The following PDE1A variants were observed in gnomAD, a reference collection of about 807,000 sequenced individuals.
PDE1A encodes the protein phosphodiesterase 1A.
In PDE1A, 35 loss-of-function variants were observed where a neutral mutation model predicts 61.7. That is an observed-to-expected ratio of 0.57 (90% CI 0.43 to 0.75). PDE1A has a LOEUF of 0.75. Among genes scored for constraint, PDE1A ranks in the 30% least tolerant of loss-of-function variants. The pLI is 0.00. For missense variants in PDE1A, 597 were observed against 630.6 expected (o/e 0.95, Z 0.57); for synonymous variants, 232 against 213.2 (o/e 1.09, Z -0.77).
At chr2:182,351,376 A>T (rs1460019997) in intron 1 of PDE1A, among the ~76,000 whole-genome samples, 1 of 152,212 alleles carries the variant, frequency 6.6e-6, no homozygotes, top group Non-Finnish European at 1.5e-5. Context: ...TTTTATCCAA[A>T]TGTCTCAAAC....
intron 1 of PDE1A, among the ~76,000 whole-genome samples, chr2:182,340,020 A>G (rs1698082518): frequency 6.6e-6 from 1 of 152,200 alleles, no homozygotes; most frequent in Non-Finnish European, 1.5e-5. Context: ...TAGTTTGGGC[A>G]TAGATGGCTG....
At chr2:182,200,315 A>G (rs1224096780) in intron 10 of PDE1A, among the ~76,000 whole-genome samples, 4 of 152,134 alleles carry the variant, frequency 2.6e-5, no homozygotes. Flanking sequence ...GAAACCAACC[A>G]CATGATTAGA....
At chr2:182,170,183 G>A (rs551141241) in intron 13 of PDE1A, among the ~76,000 whole-genome samples, 29 of 151,924 alleles carry the variant, frequency 1.9e-4, no homozygotes, top group African/African-American at 5.3e-4. Flanking sequence ...GAAAAGCCCC[G>A]CCTTTTCAAA....
exon 15 of PDE1A, chr2:182,140,413 C>T (rs1441092659): frequency 6.6e-6 from 1 of 151,754 alleles, no homozygotes; most frequent in South Asian, 2.1e-4. Flanking sequence ...CTTTGGGTTT[C>T]CCCCAATTTC....
chr2:182,573,153 G>A, the PDE1A span, among the ~76,000 whole-genome samples: 10 of 152,044 alleles, frequency 6.6e-5, no homozygotes, highest in African/African-American at 2.2e-4. Context: ...ACCTGATACC[G>A]TTTACAATGT....
chr2:182,465,877 C>T (rs1425684217), intron 2 of PDE1A, among the ~76,000 whole-genome samples: 1 of 151,972 alleles, frequency 6.6e-6, no homozygotes, highest in African/African-American at 2.4e-5. Flanking sequence ...ATTAAATAAA[C>T]AGTTTACTTT....
At chr2:182,495,000 C>A (rs955234586) in intron 2 of PDE1A, among the ~76,000 whole-genome samples, 1 of 152,106 alleles carries the variant, frequency 6.6e-6, no homozygotes, top group African/African-American at 2.4e-5. Context: ...TTAAGGACTC[C>A]CTTTCTCATC....
intron 2 of PDE1A, among the ~76,000 whole-genome samples, chr2:182,502,066 C>G (rs1689112843): frequency 6.6e-6 from 1 of 152,158 alleles, no homozygotes; most frequent in Non-Finnish European, 1.5e-5. Context: ...ACCTCCTGTC[C>G]TCAGCCACAC....
intron 1 of PDE1A, among the ~76,000 whole-genome samples, chr2:182,305,323 C>T (rs569410206): frequency 1.3e-5 from 2 of 151,592 alleles, no homozygotes; most frequent in Non-Finnish European, 2.9e-5. Flanking sequence ...ATGAATAAGC[C>T]ATTTTTTTTT....
intron 1 of PDE1A, among the ~76,000 whole-genome samples, chr2:182,332,914 A>AG (rs1028718919): frequency 5.9e-5 from 9 of 152,194 alleles, no homozygotes; most frequent in Admixed American, 5.9e-4. Flanking sequence ...AGACAAAAAA[A>AG]AGCAGGGATT....
chr2:182,596,795 C>A, the PDE1A span, among the ~76,000 whole-genome samples: 5 of 151,928 alleles, frequency 3.3e-5, no homozygotes, highest in African/African-American at 9.7e-5. Context: ...TGTAGAGTAA[C>A]CAGAAAGCTG....
In PDE1A at chr2:182,473,490, TC is replaced by T. The variant is rs1687164607; in HGVS notation, c.101+48785del. 3.3e-5 allele frequency among the ~76,000 whole-genome samples: 5 copies of T among 151,984 alleles called. No individual in the cohort carries two copies. The South Asian group carries it at 1.0e-3, about 31-fold the overall frequency. On this transcript the variant is annotated intron_variant, in intron 2 of 14. Coordinates refer to the PDE1A transcript ENST00000410103. Reference sequence around the variant, plus strand: ...GAAGGACATGAACAGGCACTTTTTTTCTTTTTTTATACTTTTAAGTTCAGGG... The same window carrying T: ...GAAGGACATGAACAGGCACTTTTTTTTTTTTTTATACTTTTAAGTTCAGGG...
chr2:182,572,907 T>C, the PDE1A span, among the ~76,000 whole-genome samples: 2 of 151,618 alleles, frequency 1.3e-5, no homozygotes, highest in African/African-American at 2.4e-5. Flanking sequence ...ATAAATCTTA[T>C]TTGCCACCAC....
At chr2:182,177,475 G>T (rs1434217742) in intron 13 of PDE1A, among the ~76,000 whole-genome samples, 1 of 152,086 alleles carries the variant, frequency 6.6e-6, no homozygotes, top group Non-Finnish European at 1.5e-5. Context: ...TATTTGCATA[G>T]AGGTGTTTGT....
At chr2:182,700,310 G>A in the PDE1A span, among the ~76,000 whole-genome samples, 806 of 152,224 alleles carry the variant, frequency 5.3e-3, 7 homozygotes, top group African/African-American at 0.018. Context: ...GGTGGCTCAC[G>A]CCTATAAACC....
chr2:182,349,811 G>T (rs527414768), intron 1 of PDE1A, among the ~76,000 whole-genome samples: 2 of 152,132 alleles, frequency 1.3e-5, no homozygotes, highest in African/African-American at 4.8e-5. Context: ...CGCAAACAGA[G>T]ATTAAAAGAA....
chr2:182,473,661 G>A (rs1460294169), intron 2 of PDE1A, among the ~76,000 whole-genome samples: 2 of 151,556 alleles, frequency 1.3e-5, no homozygotes, highest in African/African-American at 2.4e-5. Context: ...CCTCTGATAG[G>A]CCCCAGTGTG....
chr2:182,207,510 T>G (rs928820701), intron 7 of PDE1A, among the ~76,000 whole-genome samples: 4 of 152,130 alleles, frequency 2.6e-5, no homozygotes, highest in African/African-American at 9.7e-5. Flanking sequence ...CTATGCTCAT[T>G]TGCATAAAGA....
At chr2:182,535,268 C>T in the PDE1A span, among the ~76,000 whole-genome samples, 2 of 151,950 alleles carry the variant, frequency 1.3e-5, no homozygotes, top group Non-Finnish European at 2.9e-5. Flanking sequence ...ATTAATATTA[C>T]ATTCATTTTA....
Sources: allele counts gnomAD v4.1 joint callset (sites outside exome capture counted in the v4.1 genomes callset), GRCh38; gene constraint gnomAD v4.1.1; transcripts MANE v1.5; gene names NCBI Gene and HGNC (gene_info 2026-07-23, HGNC 2026-07-21).